The following PHTF2 variants were observed in gnomAD, a reference collection of about 807,000 sequenced individuals.
The protein encoded by PHTF2 is putative homeodomain transcription factor 2.
In PHTF2, 60 loss-of-function variants were observed where a neutral mutation model predicts 101.2. The ratio of observed to expected loss-of-function variants is 0.59; its 90% CI spans 0.48 to 0.73. The LOEUF is 0.73. PHTF2 is among the 30% of genes least tolerant of loss of function. The pLI is 0.00. For synonymous variants in PHTF2, 311 were observed against 307.3 expected (o/e 1.01, Z -0.13); for missense variants, 747 against 908.7 (o/e 0.82, Z 2.29).
At chr7:77,902,937 GT>G (rs1429841603) in intron 7 of PHTF2, among the ~76,000 whole-genome samples, 1 of 151,984 alleles carries the variant, frequency 6.6e-6, no homozygotes, top group Non-Finnish European at 1.5e-5. Context: ...GTGTGTATGT[GT>G]TTTCTGATTA....
rs374845651 is a variant in PHTF2 at position 77,942,848 on chromosome 7, T to C, written c.1959+62T>C. On this transcript the variant is annotated intron_variant, in intron 16 of 19. Transcript: ENST00000416283. ...ATATAAATATTAACTTTCAGATTAA[T>C]AAATAATCAAATAATAATATAAGTA... 123 of 791,290 alleles carry C rather than the reference T, an allele frequency of 1.6e-4. 1 individual carries two copies. In the East Asian group the frequency reaches 2.0e-3, roughly 13 times the overall value. 49.0% of individuals were successfully genotyped at this position (791,290 alleles called of 1,614,324 possible). A position where few individuals can be genotyped will look rare whatever the true frequency, so the allele number is the denominator to read the frequency against.
intron 3 of PHTF2, among the ~76,000 whole-genome samples, chr7:77,882,660 A>C (rs957881477): frequency 1.3e-5 from 2 of 152,154 alleles, no homozygotes; most frequent in African/African-American, 4.8e-5. Flanking sequence ...GATTGGGTTA[A>C]AGGTCTTCTA....
At chr7:77,946,382 T>TA (rs780107552) in intron 16 of PHTF2, among the ~76,000 whole-genome samples, 1 of 152,188 alleles carries the variant, frequency 6.6e-6, no homozygotes, top group Admixed American at 6.5e-5. Flanking sequence ...ATAAGACAGT[T>TA]ATCTGCTTTA....
At chr7:77,915,753 T>C (rs1032370216) in intron 9 of PHTF2, among the ~76,000 whole-genome samples, 3 of 152,154 alleles carry the variant, frequency 2.0e-5, no homozygotes, top group Non-Finnish European at 4.4e-5. Context: ...AGGGTGTTGC[T>C]AAGGGTGCAC....
intron 1 of PHTF2, among the ~76,000 whole-genome samples, chr7:77,808,871 A>G (rs986159266): frequency 2.6e-5 from 4 of 152,114 alleles, no homozygotes; most frequent in Non-Finnish European, 4.4e-5. Flanking sequence ...CAGTTACCCA[A>G]TATCTGAAAA....
chr7:77,803,600 TAATG>T (rs1792734756), intron 1 of PHTF2, among the ~76,000 whole-genome samples: 2 of 152,156 alleles, frequency 1.3e-5, no homozygotes, highest in Non-Finnish European at 2.9e-5. Flanking sequence ...TTAAATGAGA[TAATG>T]TATGTAAAGC....
chr7:77,861,321 A>G (rs1797623987), intron 3 of PHTF2, among the ~76,000 whole-genome samples: 2 of 152,188 alleles, frequency 1.3e-5, no homozygotes, highest in South Asian at 2.1e-4. Context: ...ATAGATAGCT[A>G]TAAAGGCAGA....
chr7:77,828,760 C>T lies in PHTF2; in HGVS notation c.-35-11461C>T, dbSNP rs183703505. On this transcript the variant is annotated intron_variant, in intron 1 of 19. Coordinates refer to ENST00000416283, the Ensembl canonical transcript of PHTF2. ...GTGCGCACCTGTAATCCCAGCTACT[C>T]GGGAGGCTGAGGCACAAGAATTGCT... Among the ~76,000 whole-genome samples the T allele has an allele frequency of 4.3e-3, 657 of 152,058 alleles. 1 individual carries two copies. Among genetic ancestry groups the T allele is most frequent in the Non-Finnish European group, 6.8e-3 (464 of 67,972 alleles).
chr7:77,900,545 T>C, intron 5 of PHTF2, 166 bp from the exon 5 acceptor site: 1 of 584,786 alleles, frequency 1.7e-6, no homozygotes, highest in South Asian at 1.9e-5. Flanking sequence ...ATAAAATTTA[T>C]TACAATACTG....
chr7:77,867,802 A>AAT (rs1179991995), intron 3 of PHTF2, among the ~76,000 whole-genome samples: 7 of 152,220 alleles, frequency 4.6e-5, no homozygotes, highest in Non-Finnish European at 8.8e-5. Context: ...TAGACAGTGT[A>AAT]ATAAAGTAAA....
intron 3 of PHTF2, among the ~76,000 whole-genome samples, chr7:77,867,971 C>T (rs1798203450): frequency 6.6e-6 from 1 of 152,102 alleles, no homozygotes; most frequent in Non-Finnish European, 1.5e-5. Context: ...ATGCCCAGTA[C>T]CTTTTATAAA....
chr7:77,866,337 A>C (rs752944385), intron 3 of PHTF2, among the ~76,000 whole-genome samples: 20 of 152,208 alleles, frequency 1.3e-4, no homozygotes, highest in Non-Finnish European at 2.2e-4. Context: ...GACACAGGCA[A>C]ACAAGTTATA....
At position 77,814,628 on chromosome 7, in the gene PHTF2, C is replaced by T. The variant is rs1050218990; in HGVS notation, c.-36+15657C>T. On this transcript the variant is annotated intron_variant, in intron 1 of 19. Coordinates refer to ENST00000416283, the Ensembl canonical transcript of PHTF2. ...CCTGGTTCAAGCGATTCTTCTGCCT[C>T]AGCCTCCCAAGTAGCTGGGATTACA... Among the ~76,000 whole-genome samples, 7 of 151,962 alleles carry T rather than the reference C, an allele frequency of 4.6e-5. No individual in the cohort carries two copies. In the East Asian group the frequency reaches 1.2e-3, roughly 25 times the overall value.
intron 1 of PHTF2, among the ~76,000 whole-genome samples, chr7:77,822,387 A>G (rs1794360740): frequency 6.6e-6 from 1 of 152,116 alleles, no homozygotes. Flanking sequence ...GGTGCACTCC[A>G]GAGGTGGCTC....
chr7:77,855,624 G>A (rs574695264), intron 3 of PHTF2, among the ~76,000 whole-genome samples: 32 of 152,292 alleles, frequency 2.1e-4, no homozygotes, highest in African/African-American at 7.5e-4. Context: ...GGTAACCTGT[G>A]GTGGTAGGGC....
chr7:77,918,237 TAG>T (rs1337690642), intron 9 of PHTF2, among the ~76,000 whole-genome samples: 5 of 152,254 alleles, frequency 3.3e-5, no homozygotes, highest in African/African-American at 1.2e-4. Flanking sequence ...TTTAACCCTA[TAG>T]AGTCTGGTTC....
chr7:77,944,625 TCCTTCCGGTATCAAAA>T (rs1397717796), intron 16 of PHTF2, among the ~76,000 whole-genome samples: 3 of 151,990 alleles, frequency 2.0e-5, no homozygotes, highest in Admixed American at 2.0e-4. Context: ...CAGATAAAGC[TCCTTCCGGTATCAAAA>T]CATAGGAAGA....
intron 1 of PHTF2, among the ~76,000 whole-genome samples, chr7:77,802,788 A>T (rs1327638816): frequency 6.6e-6 from 1 of 152,130 alleles, no homozygotes; most frequent in Admixed American, 6.5e-5. Flanking sequence ...ATCTTGGCCT[A>T]CCAAAGTCCT....
At chr7:77,856,836 A>G (rs560997712) in intron 3 of PHTF2, among the ~76,000 whole-genome samples, 4 of 152,260 alleles carry the variant, frequency 2.6e-5, no homozygotes, top group South Asian at 2.1e-4. Flanking sequence ...ACCATCTTCT[A>G]TAAGGGACTT....
Sources: allele counts gnomAD v4.1 joint callset (sites outside exome capture counted in the v4.1 genomes callset), GRCh38; gene constraint gnomAD v4.1.1; transcripts MANE v1.5; gene names NCBI Gene and HGNC (gene_info 2026-07-23, HGNC 2026-07-21).